The following LILRB3 variants were observed in gnomAD, a reference collection of about 807,000 sequenced individuals.
LILRB3 encodes leukocyte immunoglobulin like receptor B3.
In LILRB3, 32 loss-of-function variants were observed where a neutral mutation model predicts 68.2. The ratio of observed to expected loss-of-function variants is 0.47; its 90% CI spans 0.35 to 0.63. LILRB3 has a LOEUF of 0.63. Ranked by LOEUF, LILRB3 falls within the 30% of genes least tolerant of loss-of-function variation. The pLI, the probability that LILRB3 is intolerant of heterozygous loss-of-function variation, is 0.00. For synonymous variants in LILRB3, 185 were observed against 323.1 expected (o/e 0.57, Z 4.58); for missense variants, 502 against 791.3 (o/e 0.63, Z 4.39).
In LILRB3 at chr19:54,221,975, G is replaced by A; in HGVS notation, c.511C>T (p.Gln171Ter). The A allele has an allele frequency of 6.2e-7, 1 of 1,608,616 alleles. No individual in the cohort carries two copies. Among genetic ancestry groups the A allele is most frequent in the East Asian group, 2.3e-5 (1 of 44,424 alleles). Residue 171 changes from glutamine to a stop codon, truncating the protein, a stop_gained, in exon 4 of 13, where the codon CAG becomes TAG. Transcript: ENST00000445347. LOFTEE classifies it high-confidence loss of function. ...GCCTGGAACCCCCCACTGTGGAGCT[G>A]CTGTGAGTCCAGGGTCCGGGGGAGC...
exon 12 of LILRB3, chr19:54,217,384 G>A (rs765748305): frequency 1.9e-6 from 3 of 1,594,670 alleles, no homozygotes; most frequent in Middle Eastern, 2.2e-4. Flanking sequence ...TCCCCAGACA[G>A]TGAGGAGGGA....
At chr19:54,218,941 G>A (rs1295487178) in intron 8 of LILRB3, 103 bp from the exon 9 acceptor site, 6 of 1,567,380 alleles carry the variant, frequency 3.8e-6, no homozygotes, top group Non-Finnish European at 5.2e-6. Flanking sequence ...TTCCTGCATG[G>A]ATGTTCCAAA....
At chr19:54,218,787 G>A (rs1358539874) in exon 9 of LILRB3, 3 of 1,614,032 alleles carry the variant, frequency 1.9e-6, no homozygotes, top group Non-Finnish European at 2.5e-6. Flanking sequence ...CCTGTCCTTG[G>A]GCTCTGTCTC....
At chr19:54,219,705 T>G in intron 7 of LILRB3, 1 of 983,810 alleles carries the variant, frequency 1.0e-6, no homozygotes, top group Non-Finnish European at 1.2e-6. Context: ...GAAAGGAACT[T>G]TCCCACCCAC....
At chr19:54,219,147 T>C (rs200105479) in exon 8 of LILRB3, 1 of 1,604,630 alleles carries the variant, frequency 6.2e-7, no homozygotes, top group African/African-American at 1.3e-5. Context: ...CTGTGTTTGC[T>C]GTGACGCTGA....
At chr19:54,217,687 C>T (rs1307782746) in intron 11 of LILRB3, 54 of 906,440 alleles carry the variant, frequency 6.0e-5, no homozygotes, top group Non-Finnish European at 8.1e-5. Context: ...TGCAGCCTCA[C>T]AGGCCTTCCT....
chr19:54,217,518 T>C lies in LILRB3; in HGVS notation c.1594-44A>G, dbSNP rs2147224431. 4.4e-6 allele frequency: 7 copies of C among 1,576,242 alleles called. No homozygotes were observed. In the African/African-American group the frequency reaches 5.5e-5, roughly 12 times the overall value. Reference sequence around the variant, plus strand: ...GGTGGGGGGTGTCCTTGAGTCCCCCTGACCTCCTGGAGTCAATTTTCCTCA... The same window carrying C: ...GGTGGGGGGTGTCCTTGAGTCCCCCCGACCTCCTGGAGTCAATTTTCCTCA... On this transcript the variant is annotated intron_variant, in intron 11 of 12. Transcript: ENST00000445347.
At chr19:54,218,225 C>T (rs528970546) in intron 11 of LILRB3, 136 bp downstream of exon 11, 16 of 1,221,464 alleles carry the variant, frequency 1.3e-5, no homozygotes, top group African/African-American at 5.9e-5. Context: ...TCACAGCAGG[C>T]GGGAGGCAGC....
chr19:54,217,084 C>A (rs752253966), exon 13 of LILRB3: 1 of 1,614,000 alleles, frequency 6.2e-7, no homozygotes, highest in South Asian at 1.1e-5. Context: ...GGTCTGCGTA[C>A]CCCCCGGGCT....
exon 8 of LILRB3, chr19:54,219,153 G>T: frequency 6.2e-7 from 1 of 1,605,876 alleles, no homozygotes; most frequent in Non-Finnish European, 8.5e-7. Context: ...TTGCTGTGAC[G>T]CTGACGGAGG....
chr19:54,219,611 C>T (rs574303820), intron 7 of LILRB3: 155 of 1,529,548 alleles, frequency 1.0e-4, no homozygotes, highest in African/African-American at 4.5e-4. Flanking sequence ...GCAGGTGGGA[C>T]GGGACAGGCC....
intron 11 of LILRB3, 126 bp downstream of exon 11, chr19:54,218,235 C>A: frequency 7.6e-7 from 1 of 1,314,082 alleles, no homozygotes. Context: ...CGGGAGGCAG[C>A]ATGCTGGACA....
chr19:54,222,483 C>T (rs1461722983), exon 3 of LILRB3: 58,313 of 1,597,672 alleles, frequency 0.036, 244 homozygotes, highest in South Asian at 0.16. Context: ...CCAGGCTCCC[C>T]TGACACCAGA....
chr19:54,219,107 G>C, intron 8 of LILRB3, 22 bp downstream of exon 8: 1 of 1,572,414 alleles, frequency 6.4e-7, no homozygotes, highest in Non-Finnish European at 8.6e-7. Context: ...TCGACCCATG[G>C]GTCCCCCGCT....
At chr19:54,217,282 G>C (rs376175075) in intron 12 of LILRB3, 37 bp downstream of exon 12, 11 of 1,576,638 alleles carry the variant, frequency 7.0e-6, no homozygotes, top group East Asian at 4.5e-5. Context: ...TGGTGGGGGT[G>C]GGGGAGGCCT....
rs371692762 is a variant in LILRB3, at chr19:54,222,980, G to A, written c.-4C>T. 27 of 1,612,246 alleles carry A rather than the reference G, an allele frequency of 1.7e-5. No homozygotes were observed. Among genetic ancestry groups the A allele is most frequent in the East Asian group, 8.9e-5 (4 of 44,846 alleles). On this transcript the variant is annotated 5_prime_UTR_variant, in exon 1 of 13. It adds an upstream start codon to the 5' untranslated region. Transcript: ENST00000445347. ...GGGCTGTGAGGGCGGGCGTCATGGCGTCTCCTCCCGGTGACCCCGCGCTCT... is the reference window on the plus strand; with the variant it reads ...GGGCTGTGAGGGCGGGCGTCATGGCATCTCCTCCCGGTGACCCCGCGCTCT...
exon 6 of LILRB3, chr19:54,220,679 T>G (rs200516269): frequency 1.3e-6 from 2 of 1,541,260 alleles, no homozygotes; most frequent in South Asian, 1.1e-5. Flanking sequence ...CGTACATTGA[T>G]CTCAGACGCA....
At chr19:54,221,674 C>T in intron 4 of LILRB3, 154 bp downstream of exon 4, 1 of 1,589,568 alleles carries the variant, frequency 6.3e-7, no homozygotes, top group Non-Finnish European at 8.5e-7. Context: ...CTCCTCCTCC[C>T]ATGTCAGAGC....
At chr19:54,217,668 C>G (rs2077621761) in intron 11 of LILRB3, 194 bp from the exon 12 acceptor site, 1 of 983,468 alleles carries the variant, frequency 1.0e-6, no homozygotes, top group African/African-American at 1.7e-5. Flanking sequence ...CTGACCTTGC[C>G]CATTTGGCTG....
Sources: gnomAD v4.1 joint callset for allele counts on GRCh38, gnomAD v4.1.1 for gene constraint, MANE v1.5 for transcripts, NCBI Gene and HGNC (gene_info 2026-07-23, HGNC 2026-07-21) for gene names.